SH3KBP1: variants seen among roughly 807,000 people sequenced by gnomAD.
SH3KBP1 encodes SH3 domain-containing kinase-binding protein 1.
SH3KBP1 carries 8 observed loss-of-function variants against 50.1 expected under a neutral mutation model. The observed-to-expected ratio is 0.16, with a 90% CI of 0.09 to 0.29. The LOEUF is 0.29. Among genes scored for constraint, SH3KBP1 ranks in the 10% least tolerant of loss-of-function variants. The pLI is 1.00. For synonymous variants in SH3KBP1, 227 were observed against 218.6 expected, an observed-to-expected ratio of 1.04 and a Z score of -0.34; for missense variants, 377 against 535.2, an observed-to-expected ratio of 0.70 and a Z score of 2.92.
intron 12 of SH3KBP1, among the ~76,000 whole-genome samples, chrX:19,580,982 C>T (rs776812142): frequency 4.5e-5 from 5 of 111,580 alleles, no homozygotes; most frequent in Non-Finnish European, 9.4e-5. Context: ...GGGCTTCACT[C>T]TGTCACCCAG....
At chrX:19,761,247 A>T (rs2148863189) in intron 2 of SH3KBP1, among the ~76,000 whole-genome samples, 1 of 74,740 alleles carries the variant, frequency 1.3e-5, no homozygotes, top group Non-Finnish European at 2.5e-5. Flanking sequence ...TGGTGGTGAG[A>T]GAGGGAGGGA....
rs182529889 is a variant in SH3KBP1, at chrX:19,623,806, C to G, written c.897+8058G>C. ...ATACTGAACAAGACAGGTTACACAA[C>G]TGTAATACATTACTTTCATCCTAAG... On this transcript the variant is annotated intron_variant, in intron 8 of 17. Transcript: ENST00000397821. Among the ~76,000 whole-genome samples the G allele has an allele frequency of 3.4e-3, 385 of 112,342 alleles. 1 individual carries two copies. The highest frequency in any genetic ancestry group is 5.6e-3 in the Non-Finnish European group (297 of 53,250).
rs760275176 is a variant in SH3KBP1 at position 19,683,337 on chromosome X, A to G, written c.726+486T>C. On this transcript the variant is annotated intron_variant, in intron 6 of 17. Transcript: ENST00000397821. ...TCTCCATCATTCACACCTGCGGGAG[A>G]CTTCCTTTCAACAGTCTGAAATTAT... The G allele has an allele frequency of 9.5e-5, 35 of 368,600 alleles. 1 individual carries two copies. Among genetic ancestry groups the G allele is most frequent in the South Asian group, 6.0e-4 (25 of 41,457 alleles). 30.4% of individuals were successfully genotyped at this position (368,600 alleles called of 1,213,427 possible). A position where few individuals can be genotyped will look rare whatever the true frequency, so the allele number is the denominator to read the frequency against.
At chrX:19,691,513 T>C (rs2063294022) in intron 5 of SH3KBP1, among the ~76,000 whole-genome samples, 1 of 107,310 alleles carries the variant, frequency 9.3e-6, no homozygotes, top group Admixed American at 1.0e-4. Flanking sequence ...TTTATAGGAA[T>C]ACAGATTTAA....
At chrX:19,768,999 C>T (rs1401555625) in intron 2 of SH3KBP1, among the ~76,000 whole-genome samples, 1 of 108,354 alleles carries the variant, frequency 9.2e-6, no homozygotes, top group Non-Finnish European at 1.9e-5. Flanking sequence ...GAAATAGAGA[C>T]ACCTCCTGTT....
In SH3KBP1 at chrX:19,706,935, C is replaced by T; in HGVS notation, c.336G>A (p.Gln112=). The T allele has an allele frequency of 2.5e-6, 3 of 1,212,064 alleles. No individual in the cohort carries two copies. The highest frequency in any genetic ancestry group is 3.3e-6 in the Non-Finnish European group (3 of 895,531). ...RCQVAFSYLP[Q]NDDELELKVG... ...CTTTCAGCTCAAGTTCATCGTCATT[C>T]TGGGGCAGGTAGCTGAATGCCACCT... Residue 112 remains glutamine (Q), a synonymous_variant, in exon 4 of 18, where the codon CAG becomes CAA. Coordinates refer to ENST00000397821, the MANE Select transcript of SH3KBP1 (RefSeq NM_031892.3).
chrX:19,820,663 CTG>C (rs1223032048), intron 2 of SH3KBP1, among the ~76,000 whole-genome samples: 2 of 110,410 alleles, frequency 1.8e-5, no homozygotes, highest in African/African-American at 6.6e-5. Context: ...TCTATCATCT[CTG>C]TTTTTTAATT....
chrX:19,578,679 C>G lies in SH3KBP1; in HGVS notation c.1299-9491G>C, dbSNP rs141200682. ...CATCCGTGTGCACAGGTTTTATGCT[C>G]CAAGAGATGTTTTTCTCTCAAATGA... is the stretch of plus-strand genomic sequence containing the variant. On this transcript the variant is annotated intron_variant, in intron 12 of 17. Transcript: ENST00000397821. 6.1e-3 allele frequency among the ~76,000 whole-genome samples: 678 copies of G among 111,915 alleles called. 11 individuals carry two copies. The highest frequency in any genetic ancestry group is 0.02 in the African/African-American group (631 of 30,823).
intron 1 of SH3KBP1, among the ~76,000 whole-genome samples, chrX:19,845,092 T>C (rs1466824503): frequency 9.3e-6 from 1 of 107,637 alleles, no homozygotes; most frequent in Non-Finnish European, 1.9e-5. Flanking sequence ...AAATAGAATA[T>C]CCATTAGATA....
chrX:19,667,812 ATTTTTTTTTTTT>A (rs779927127), intron 6 of SH3KBP1, among the ~76,000 whole-genome samples: 4 of 55,846 alleles, frequency 7.2e-5, no homozygotes, highest in Non-Finnish European at 1.2e-4. Flanking sequence ...TTCTGTTGGG[ATTTTTTTTTTTT>A]TTTTTTTTTT....
chrX:19,586,619 G>A (rs1434831546), intron 12 of SH3KBP1, among the ~76,000 whole-genome samples: 1 of 111,651 alleles, frequency 9.0e-6, no homozygotes, highest in Admixed American at 9.5e-5. Flanking sequence ...CATAGTAGAG[G>A]GTGGAACATG....
At chrX:19,806,465 G>A (rs2067049838) in intron 2 of SH3KBP1, among the ~76,000 whole-genome samples, 1 of 111,325 alleles carries the variant, frequency 9.0e-6, no homozygotes, top group South Asian at 3.9e-4. Context: ...GCACTGAGCC[G>A]AGTTCGCGCC....
intron 6 of SH3KBP1, among the ~76,000 whole-genome samples, chrX:19,646,337 C>T (rs1289066986): frequency 8.9e-6 from 1 of 112,122 alleles, no homozygotes; most frequent in African/African-American, 3.2e-5. Flanking sequence ...ACACAGGCAA[C>T]TCAGCAGCTC....
intron 8 of SH3KBP1, among the ~76,000 whole-genome samples, chrX:19,610,550 A>C (rs1353655218): frequency 8.9e-6 from 1 of 112,149 alleles, no homozygotes; most frequent in Non-Finnish European, 1.9e-5. Flanking sequence ...AATGATATTC[A>C]ATTCAATAAA....
chrX:19,691,090 T>G (rs2063274769), intron 5 of SH3KBP1, among the ~76,000 whole-genome samples: 1 of 111,482 alleles, frequency 9.0e-6, no homozygotes, highest in Admixed American at 9.6e-5. Context: ...AACACTTTTT[T>G]GGACTATTGA....
At chrX:19,884,687 T>C (rs1169638769) in intron 1 of SH3KBP1, among the ~76,000 whole-genome samples, 1 of 112,634 alleles carries the variant, frequency 8.9e-6, no homozygotes, top group Admixed American at 9.4e-5. Context: ...ACTTTGTTGT[T>C]ACTCTGGAAT....
chrX:19,744,741 T>C (rs987008975), intron 3 of SH3KBP1, among the ~76,000 whole-genome samples: 1 of 111,861 alleles, frequency 8.9e-6, no homozygotes, highest in African/African-American at 3.3e-5. Flanking sequence ...AAAAATTCCA[T>C]AGGGGAACTC....
At chrX:19,796,550 G>A (rs1376046192) in intron 2 of SH3KBP1, among the ~76,000 whole-genome samples, 3 of 111,933 alleles carry the variant, frequency 2.7e-5, no homozygotes, top group Admixed American at 9.5e-5. Context: ...ACATCTGAGA[G>A]CATCAGGGCA....
At chrX:19,727,575 A>G (rs1275805228) in intron 3 of SH3KBP1, among the ~76,000 whole-genome samples, 1 of 112,774 alleles carries the variant, frequency 8.9e-6, no homozygotes. Context: ...CCTTTTGCCT[A>G]TTGCGAATAA....
Sources: gnomAD v4.1 joint callset for allele counts (sites outside exome capture counted in the v4.1 genomes callset) on GRCh38, gnomAD v4.1.1 for gene constraint, MANE v1.5 for transcripts, NCBI Gene and HGNC (gene_info 2026-07-23, HGNC 2026-07-21) for gene names.